CDH13: variants seen among roughly 807,000 people sequenced by gnomAD.
CDH13 encodes the protein cadherin 13.
In CDH13, 24 loss-of-function variants were observed where a neutral mutation model predicts 63.8. The ratio of observed to expected loss-of-function variants is 0.38; its 90% CI spans 0.27 to 0.53. The LOEUF (loss-of-function observed/expected upper bound fraction) is 0.53. CDH13 is among the 20% of genes least tolerant of loss of function. The probability of loss-of-function intolerance (pLI) is 0.85; values close to 1 mark genes in which losing one functional copy is unlikely to be tolerated. For missense variants in CDH13, 1,049 were observed against 903.1 expected, an observed-to-expected ratio of 1.16 and a Z score of -2.07; for synonymous variants, 503 against 355.3, an observed-to-expected ratio of 1.42 and a Z score of -4.67.
At chr16:82,809,114 G>T (rs1250642835) in intron 1 of CDH13, among the ~76,000 whole-genome samples, 1 of 151,902 alleles carries the variant, frequency 6.6e-6, no homozygotes, top group African/African-American at 2.4e-5. Context: ...CTAAGATCCT[G>T]CCAAATTATC....
At chr16:82,970,598 A>G (rs1265076153) in intron 2 of CDH13, among the ~76,000 whole-genome samples, 1 of 117,286 alleles carries the variant, frequency 8.5e-6, no homozygotes, top group Non-Finnish European at 2.1e-5. Flanking sequence ...ACGGGGTTTC[A>G]CCTTGTTAGC....
intron 2 of CDH13, among the ~76,000 whole-genome samples, chr16:83,005,996 C>T (rs768400922): frequency 6.6e-6 from 1 of 152,154 alleles, no homozygotes; most frequent in South Asian, 2.1e-4. Flanking sequence ...ATGTCATTGA[C>T]AATAGAATTT....
intron 5 of CDH13, among the ~76,000 whole-genome samples, chr16:83,274,003 C>T (rs998725400): frequency 3.3e-5 from 5 of 152,170 alleles, no homozygotes; most frequent in African/African-American, 1.2e-4. Flanking sequence ...CTTACACTTT[C>T]CATCTTCCTC....
intron 1 of CDH13, among the ~76,000 whole-genome samples, chr16:82,697,719 C>T (rs1475615306): frequency 6.6e-6 from 1 of 151,048 alleles, no homozygotes; most frequent in African/African-American, 2.4e-5. Context: ...TGAGCCACCG[C>T]ACCTGGCTGG....
rs1476045277 is a variant in CDH13 at position 83,167,697 on chromosome 16, T to A, written c.483+42196T>A. ...AAATCTCATTATTTCATTGCTTTTTTTTTTAATTATCCTATTTTTAAAATT... is the reference window on the plus strand; with the variant it reads ...AAATCTCATTATTTCATTGCTTTTTATTTTAATTATCCTATTTTTAAAATT... On this transcript the variant is annotated intron_variant, in intron 4 of 13. Transcript: ENST00000567109. Among the ~76,000 whole-genome samples the A allele has an allele frequency of 5.9e-5, 9 of 152,044 alleles. No homozygotes were observed. The East Asian group carries it at 1.7e-3, about 29-fold the overall frequency.
At chr16:83,433,890 C>A (rs1418852941) in intron 6 of CDH13, among the ~76,000 whole-genome samples, 1 of 152,108 alleles carries the variant, frequency 6.6e-6, no homozygotes, top group African/African-American at 2.4e-5. Context: ...CACTCTTAAT[C>A]TAAAAATATG....
chr16:83,339,228 T>A (rs1336725016), intron 5 of CDH13, among the ~76,000 whole-genome samples: 1 of 152,172 alleles, frequency 6.6e-6, no homozygotes, highest in Non-Finnish European at 1.5e-5. Flanking sequence ...GAATGACTCA[T>A]GAGTTTCTCC....
intron 8 of CDH13, among the ~76,000 whole-genome samples, chr16:83,628,332 T>G (rs1598391043): frequency 6.6e-6 from 1 of 152,274 alleles, no homozygotes; most frequent in East Asian, 1.9e-4. Flanking sequence ...GGTCTCAAAC[T>G]CCTGAGCTCA....
intron 10 of CDH13, chr16:83,710,348 C>T (rs1907833160): frequency 1.3e-5 from 2 of 152,188 alleles, no homozygotes; most frequent in Non-Finnish European, 2.9e-5. Flanking sequence ...TTTCGAAAAA[C>T]CTGGAGGCTT....
At chr16:83,223,767 A>G (rs1174938232) in intron 5 of CDH13, among the ~76,000 whole-genome samples, 4 of 152,222 alleles carry the variant, frequency 2.6e-5, no homozygotes, top group Non-Finnish European at 4.4e-5. Context: ...GCTCCCTGGT[A>G]CAGGAAAGTC....
intron 1 of CDH13, among the ~76,000 whole-genome samples, chr16:82,648,505 G>T (rs1161343732): frequency 3.3e-5 from 5 of 152,094 alleles, no homozygotes; most frequent in Non-Finnish European, 4.4e-5. Flanking sequence ...GATGATAATG[G>T]CATGGAAAAA....
At chr16:83,395,900 C>G (rs1281879915) in intron 6 of CDH13, among the ~76,000 whole-genome samples, 1 of 152,106 alleles carries the variant, frequency 6.6e-6, no homozygotes. Context: ...TCTCATCACC[C>G]ACACATTAAG....
rs185404966 is a variant in CDH13 at position 83,390,118 on chromosome 16, C to A, written c.781+45112C>A. On this transcript the variant is annotated intron_variant, in intron 6 of 13. Transcript: ENST00000567109. ...GGCCATGTGTAAATCAGTGGTAATA[C>A]AAGAAACATGGAGCACCCCAGAAAA... Among the ~76,000 whole-genome samples the A allele has an allele frequency of 3.5e-4, 54 of 152,236 alleles. No homozygotes were observed. The East Asian group carries it at 0.01, about 28-fold the overall frequency.
At chr16:82,641,358 G>T (rs1441986098) in intron 1 of CDH13, among the ~76,000 whole-genome samples, 1 of 152,172 alleles carries the variant, frequency 6.6e-6, no homozygotes, top group African/African-American at 2.4e-5. Context: ...GATATGCCCT[G>T]GGTAGGGTAT....
chr16:83,541,850 A>G (rs1312519890), intron 7 of CDH13, among the ~76,000 whole-genome samples: 1 of 152,258 alleles, frequency 6.6e-6, no homozygotes, highest in East Asian at 1.9e-4. Context: ...GAGAATGTAT[A>G]GAGCCCTAGA....
chr16:82,966,013 A>G (rs957123857), intron 2 of CDH13, among the ~76,000 whole-genome samples: 21 of 152,238 alleles, frequency 1.4e-4, no homozygotes, highest in African/African-American at 4.1e-4. Context: ...GAGTTGACCA[A>G]GCGTCTTGGC....
intron 2 of CDH13, among the ~76,000 whole-genome samples, chr16:83,029,672 A>T (rs1567759962): frequency 6.6e-6 from 1 of 152,168 alleles, no homozygotes; most frequent in Non-Finnish European, 1.5e-5. Flanking sequence ...AGGTAAAACC[A>T]ATCTGTGGTA....
intron 5 of CDH13, among the ~76,000 whole-genome samples, chr16:83,284,920 T>G (rs550837882): frequency 3.2e-4 from 49 of 152,332 alleles, no homozygotes; most frequent in African/African-American, 1.2e-3. Flanking sequence ...ATAGGTTCTC[T>G]TGAGCTGGTT....
chr16:83,353,752 A>G (rs1317921832), intron 6 of CDH13, among the ~76,000 whole-genome samples: 1 of 152,180 alleles, frequency 6.6e-6, no homozygotes, highest in Non-Finnish European at 1.5e-5. Flanking sequence ...TCCTCTGCCC[A>G]TCACCCATGC....
Sources: gnomAD v4.1 joint callset for allele counts (sites outside exome capture counted in the v4.1 genomes callset) on GRCh38, gnomAD v4.1.1 for gene constraint, MANE v1.5 for transcripts, NCBI Gene and HGNC (gene_info 2026-07-23, HGNC 2026-07-21) for gene names.